Variants in RPS6KC1 observed in about 807,000 individuals in gnomAD.
The protein encoded by RPS6KC1 is inactive ribosomal protein S6 kinase delta-1.
In RPS6KC1, 54 loss-of-function variants were observed where a neutral mutation model predicts 103.8. The ratio of observed to expected loss-of-function variants is 0.52; its 90% confidence interval spans 0.42 to 0.65. The LOEUF is 0.65. Among genes scored for constraint, RPS6KC1 ranks in the 30% least tolerant of loss-of-function variants. The pLI is 0.00. For missense variants in RPS6KC1, 1,151 were observed against 1,253.8 expected (o/e 0.92, Z 1.24); for synonymous variants, 439 against 438.7 (o/e 1.00, Z -0.01).
At chr1:213,344,597 G>T in the RPS6KC1 span, among the ~76,000 whole-genome samples, 2 of 151,902 alleles carry the variant, frequency 1.3e-5, no homozygotes, top group Non-Finnish European at 2.9e-5. Context: ...GCAGTGGCAC[G>T]ATCTCAGGCT....
chr1:213,837,292 C>T, the RPS6KC1 span: 4 of 152,016 alleles, frequency 2.6e-5, no homozygotes, highest in Admixed American at 6.5e-5. Context: ...AACTGAAGCA[C>T]CTTCTGAAAA....
the RPS6KC1 span, among the ~76,000 whole-genome samples, chr1:213,847,219 C>T: frequency 6.6e-6 from 1 of 152,180 alleles, no homozygotes; most frequent in African/African-American, 2.4e-5. Context: ...CCTCACATCC[C>T]ACTTAGTAGG....
the RPS6KC1 span, among the ~76,000 whole-genome samples, chr1:213,367,858 G>A: frequency 1.3e-5 from 2 of 152,198 alleles, no homozygotes; most frequent in Non-Finnish European, 2.9e-5. Flanking sequence ...AAGGATTATG[G>A]TGACTAGATG....
At chr1:213,445,059 A>T in the RPS6KC1 span, among the ~76,000 whole-genome samples, 1 of 151,980 alleles carries the variant, frequency 6.6e-6, no homozygotes, top group African/African-American at 2.4e-5. Context: ...ATCTGCTTTG[A>T]CTCTATATGT....
the RPS6KC1 span, among the ~76,000 whole-genome samples, chr1:213,495,537 G>C: frequency 1.9e-4 from 29 of 152,158 alleles, no homozygotes; most frequent in Non-Finnish European, 3.5e-4. Flanking sequence ...GGCCAGGCTG[G>C]TCTCGAACTC....
chr1:213,592,548 C>T, the RPS6KC1 span, among the ~76,000 whole-genome samples: 1 of 152,166 alleles, frequency 6.6e-6, no homozygotes, highest in Non-Finnish European at 1.5e-5. Flanking sequence ...CCACAGGACC[C>T]ACCCTTCTCC....
chr1:213,390,140 TA>T, the RPS6KC1 span, among the ~76,000 whole-genome samples: 18 of 151,930 alleles, frequency 1.2e-4, no homozygotes, highest in African/African-American at 3.4e-4. Flanking sequence ...AAATTAATAA[TA>T]AAAAAAATGA....
the RPS6KC1 span, among the ~76,000 whole-genome samples, chr1:213,397,249 A>G: frequency 2.0e-5 from 3 of 152,082 alleles, no homozygotes; most frequent in Non-Finnish European, 2.9e-5. Context: ...GTTTGGCAGA[A>G]GACTACCCTT....
chr1:213,202,551 TG>T (rs1370108897), intron 8 of RPS6KC1, among the ~76,000 whole-genome samples: 29 of 152,116 alleles, frequency 1.9e-4, no homozygotes, highest in Non-Finnish European at 4.0e-4. Context: ...AGGTGGAGGC[TG>T]TAGTGAGCCA....
the RPS6KC1 span, among the ~76,000 whole-genome samples, chr1:213,559,714 GA>G: frequency 6.6e-6 from 1 of 152,124 alleles, no homozygotes; most frequent in Non-Finnish European, 1.5e-5. Context: ...CTATTGGATG[GA>G]AAAATAATGC....
At chr1:213,636,296 A>T in the RPS6KC1 span, among the ~76,000 whole-genome samples, 1 of 152,232 alleles carries the variant, frequency 6.6e-6, no homozygotes, top group Non-Finnish European at 1.5e-5. Context: ...ACCAAAAAAG[A>T]GCCCTCATTG....
chr1:213,117,506 T>C (rs983792691), intron 5 of RPS6KC1, 96 bp downstream of exon 5: 24 of 650,138 alleles, frequency 3.7e-5, no homozygotes, highest in Non-Finnish European at 5.3e-5. Context: ...ATATAGGAAT[T>C]TGAGGGTATT....
the RPS6KC1 span, among the ~76,000 whole-genome samples, chr1:213,603,692 G>A: frequency 3.3e-5 from 5 of 151,534 alleles, no homozygotes; most frequent in Admixed American, 6.6e-5. Context: ...AACCCTGTCT[G>A]TACTAAAAAA....
chr1:213,437,469 G>C, the RPS6KC1 span, among the ~76,000 whole-genome samples: 9 of 151,842 alleles, frequency 5.9e-5, no homozygotes, highest in Non-Finnish European at 1.2e-4. Flanking sequence ...TTTTACTCTT[G>C]TGATGTGCTT....
At chr1:213,408,307 G>T in the RPS6KC1 span, among the ~76,000 whole-genome samples, 4 of 152,214 alleles carry the variant, frequency 2.6e-5, no homozygotes, top group South Asian at 6.2e-4. Flanking sequence ...GATGGGCAAG[G>T]TTGGTGGCAT....
chr1:213,161,765 G>A (rs2090494591), intron 6 of RPS6KC1, among the ~76,000 whole-genome samples: 1 of 152,206 alleles, frequency 6.6e-6, no homozygotes, highest in Non-Finnish European at 1.5e-5. Context: ...CATTAAAGGA[G>A]TCTGAAACTT....
At chr1:213,596,354 T>C in the RPS6KC1 span, among the ~76,000 whole-genome samples, 1 of 152,186 alleles carries the variant, frequency 6.6e-6, no homozygotes, top group Non-Finnish European at 1.5e-5. Context: ...CTTCCAGTAA[T>C]CCAGTAAAAG....
At chr1:213,755,084 C>T in the RPS6KC1 span, among the ~76,000 whole-genome samples, 1 of 152,114 alleles carries the variant, frequency 6.6e-6, no homozygotes, top group South Asian at 2.1e-4. Flanking sequence ...GGAAGTGCTT[C>T]TTCAGGAAGG....
At chr1:213,792,200 G>A in the RPS6KC1 span, among the ~76,000 whole-genome samples, 1 of 152,164 alleles carries the variant, frequency 6.6e-6, no homozygotes, top group Non-Finnish European at 1.5e-5. Context: ...GCTCAGGCAA[G>A]TCCAAAACTC....
Sources: gnomAD v4.1 joint callset for allele counts (sites outside exome capture counted in the v4.1 genomes callset) on GRCh38, gnomAD v4.1.1 for gene constraint, MANE v1.5 for transcripts, NCBI Gene and HGNC (gene_info 2026-07-23, HGNC 2026-07-21) for gene names.